Variants in FGF1 observed in about 807,000 individuals in gnomAD.
The protein encoded by FGF1 is fibroblast growth factor 1, also known as beta-endothelial cell growth factor.
In FGF1, 9 loss-of-function variants were observed where a neutral mutation model predicts 13.4. The ratio of observed to expected loss-of-function variants is 0.67; its 90% CI spans 0.40 to 1.17. FGF1 has a LOEUF of 1.17. Among genes scored for constraint, FGF1 ranks in the 50% most tolerant of loss-of-function variants. The pLI, the probability that FGF1 is intolerant of heterozygous loss-of-function variation, is 0.01. For missense variants in FGF1, 156 were observed against 192.7 expected (o/e 0.81, Z 1.13); for synonymous variants, 93 against 79.0 (o/e 1.18, Z -0.94).
intron 1 of FGF1, among the ~76,000 whole-genome samples, chr5:142,651,655 C>T (rs1423970024): frequency 6.6e-6 from 1 of 152,120 alleles, no homozygotes; most frequent in Non-Finnish European, 1.5e-5. Flanking sequence ...TCCATCCTTC[C>T]CTCCCTCCTA....
chr5:142,635,514 C>T (rs184177813), intron 1 of FGF1, among the ~76,000 whole-genome samples: 15 of 152,290 alleles, frequency 9.8e-5, no homozygotes, highest in Admixed American at 7.2e-4. Flanking sequence ...TCTGCATGTC[C>T]GAAGTCAAGC....
intron 1 of FGF1, among the ~76,000 whole-genome samples, chr5:142,678,504 C>G (rs1427975155): frequency 6.6e-6 from 1 of 152,122 alleles, no homozygotes; most frequent in Non-Finnish European, 1.5e-5. Flanking sequence ...TTGGTGACAT[C>G]ATGAAAAAGG....
chr5:142,612,891 A>G (rs2151868489), intron 2 of FGF1, among the ~76,000 whole-genome samples: 1 of 152,346 alleles, frequency 6.6e-6, no homozygotes, highest in Non-Finnish European at 1.5e-5. Flanking sequence ...ATTTGTTCTT[A>G]GAGCCTGCAA....
chr5:142,647,319 T>C lies in FGF1; in HGVS notation c.-34-33158A>G, dbSNP rs1431757880. On this transcript the variant is annotated intron_variant, in intron 1 of 3. Coordinates refer to ENST00000337706, the MANE Select transcript of FGF1 (RefSeq NM_000800.5). Reference sequence around the variant, plus strand: ...TGTTCATTTCTCCCATATGTTTACTTTCAAAATTTGCTGCTCTAGAAACTT... The same window carrying C: ...TGTTCATTTCTCCCATATGTTTACTCTCAAAATTTGCTGCTCTAGAAACTT... Among the ~76,000 whole-genome samples the C allele has an allele frequency of 2.6e-5, 4 of 152,190 alleles. No homozygotes were observed. The East Asian group carries it at 7.7e-4, about 29-fold the overall frequency.
At chr5:142,608,232 G>C (rs2151850599) in intron 2 of FGF1, among the ~76,000 whole-genome samples, 1 of 152,114 alleles carries the variant, frequency 6.6e-6, no homozygotes, top group South Asian at 2.1e-4. Context: ...GTCTGTCTGT[G>C]GCCTCTAAGC....
intron 1 of FGF1, among the ~76,000 whole-genome samples, chr5:142,651,695 C>A (rs1767279782): frequency 6.6e-6 from 1 of 152,186 alleles, no homozygotes. Flanking sequence ...ATTTTTACTG[C>A]CTCCATAGTT....
intron 1 of FGF1, among the ~76,000 whole-genome samples, chr5:142,627,460 T>A (rs1362151857): frequency 2.0e-5 from 3 of 152,344 alleles, no homozygotes; most frequent in Non-Finnish European, 4.4e-5. Flanking sequence ...AAACTCACAT[T>A]TCTACTAGAC....
intron 2 of FGF1, among the ~76,000 whole-genome samples, chr5:142,692,607 G>A (rs192498077): frequency 7.1e-4 from 107 of 151,344 alleles, no homozygotes; most frequent in Admixed American, 2.0e-3. Flanking sequence ...TGGTTTTCCT[G>A]AGTCACAAAA....
chr5:142,599,674 A>T (rs1010569344), intron 3 of FGF1, among the ~76,000 whole-genome samples: 1 of 152,212 alleles, frequency 6.6e-6, no homozygotes, highest in African/African-American at 2.4e-5. Context: ...CCTGTCACAG[A>T]GATACCAATA....
At chr5:142,619,837 A>G (rs17217156) in intron 1 of FGF1, among the ~76,000 whole-genome samples, 4,869 of 141,384 alleles carry the variant, frequency 0.034, 273 homozygotes, top group African/African-American at 0.11. Context: ...CCGTCTCAAG[A>G]AAAACCAAAA....
intron 1 of FGF1, among the ~76,000 whole-genome samples, chr5:142,667,063 C>G (rs1273395944): frequency 1.3e-5 from 2 of 150,286 alleles, no homozygotes; most frequent in Non-Finnish European, 3.0e-5. Context: ...AGGCGCATCA[C>G]AAGTTCAGGA....
intron 1 of FGF1, among the ~76,000 whole-genome samples, chr5:142,630,407 T>G (rs1435333740): frequency 2.6e-5 from 4 of 152,132 alleles, no homozygotes; most frequent in Non-Finnish European, 5.9e-5. Context: ...TATCTTACCT[T>G]CTGAAATAGC....
intron 2 of FGF1, among the ~76,000 whole-genome samples, chr5:142,607,534 A>G (rs887035304): frequency 6.6e-6 from 1 of 152,238 alleles, no homozygotes; most frequent in African/African-American, 2.4e-5. Context: ...AGCAACTTTT[A>G]AAAAGGTACT....
chr5:142,658,360 C>T (rs1376103214), intron 1 of FGF1, among the ~76,000 whole-genome samples: 1 of 152,240 alleles, frequency 6.6e-6, no homozygotes, highest in Non-Finnish European at 1.5e-5. Context: ...TCCTTGGCTT[C>T]CCATTCACAG....
chr5:142,596,711 C>T (rs1755356064), intron 3 of FGF1, among the ~76,000 whole-genome samples: 1 of 148,704 alleles, frequency 6.7e-6, no homozygotes, highest in Non-Finnish European at 1.5e-5. Context: ...TACCACTGCA[C>T]TCTAGTCTGG....
At chr5:142,655,305 C>T (rs775211242) in intron 1 of FGF1, among the ~76,000 whole-genome samples, 4 of 152,122 alleles carry the variant, frequency 2.6e-5, no homozygotes, top group African/African-American at 7.2e-5. Flanking sequence ...ATAAGTGAAG[C>T]GGCCCTTCCC....
intron 1 of FGF1, among the ~76,000 whole-genome samples, chr5:142,684,065 T>C (rs1774233039): frequency 6.6e-6 from 1 of 152,230 alleles, no homozygotes; most frequent in Non-Finnish European, 1.5e-5. Flanking sequence ...CACTGCGGAC[T>C]CGCCCTGACT....
At chr5:142,649,569 G>C (rs1766830656) in intron 1 of FGF1, among the ~76,000 whole-genome samples, 1 of 152,016 alleles carries the variant, frequency 6.6e-6, no homozygotes, top group Admixed American at 6.5e-5. Context: ...ACCACGCCCG[G>C]CTAATTTTTT....
At chr5:142,610,078 A>G (rs1241720098) in intron 2 of FGF1, among the ~76,000 whole-genome samples, 1 of 152,226 alleles carries the variant, frequency 6.6e-6, no homozygotes, top group African/African-American at 2.4e-5. Context: ...CCTCCCAGTT[A>G]GGAGCTGGTC....
Sources: allele counts gnomAD v4.1 joint callset (sites outside exome capture counted in the v4.1 genomes callset), GRCh38; gene constraint gnomAD v4.1.1; transcripts MANE v1.5; gene names NCBI Gene and HGNC (gene_info 2026-07-23, HGNC 2026-07-21).